The following MBTPS1 variants were observed in gnomAD, a reference collection of about 807,000 sequenced individuals.
MBTPS1 encodes membrane-bound transcription factor site-1 protease.
A neutral mutation model predicts 127.8 loss-of-function variants in MBTPS1; 94 were observed. The observed-to-expected ratio is 0.74, with a 90% CI of 0.62 to 0.87. The LOEUF (loss-of-function observed/expected upper bound fraction) is 0.87. Ranked by LOEUF, MBTPS1 falls within the 40% of genes least tolerant of loss-of-function variation. The pLI is 0.00. For synonymous variants in MBTPS1, 632 were observed against 509.4 expected, an observed-to-expected ratio of 1.24 and a Z score of -3.24; for missense variants, 1,636 against 1,353.2, an observed-to-expected ratio of 1.21 and a Z score of -3.28.
intron 6 of MBTPS1, among the ~76,000 whole-genome samples, chr16:84,092,804 G>A (rs2086127488): frequency 1.3e-5 from 2 of 152,172 alleles, no homozygotes; most frequent in South Asian, 4.1e-4. Context: ...ACAGCTCAAG[G>A]TGGTAGGAAC....
At chr16:84,064,685 G>C (rs1317937885) in intron 18 of MBTPS1, among the ~76,000 whole-genome samples, 5 of 152,202 alleles carry the variant, frequency 3.3e-5, no homozygotes, top group Non-Finnish European at 7.4e-5. Flanking sequence ...TACTGTCTAT[G>C]AGAAATGCTT....
intron 1 of MBTPS1, among the ~76,000 whole-genome samples, chr16:84,114,981 T>A (rs930089950): frequency 3.9e-5 from 6 of 151,910 alleles, no homozygotes; most frequent in African/African-American, 1.5e-4. Flanking sequence ...CAGGCTGGAA[T>A]GCAGCGGCGT....
At chr16:84,080,998 G>A (rs537949796) in intron 11 of MBTPS1, among the ~76,000 whole-genome samples, 2 of 152,342 alleles carry the variant, frequency 1.3e-5, no homozygotes, top group East Asian at 3.9e-4. Flanking sequence ...AAACCAAGAA[G>A]ACAGGACAAT....
intron 7 of MBTPS1, 25 bp from the exon 8 acceptor site, chr16:84,090,967 G>C (rs544735671): frequency 3.6e-6 from 5 of 1,388,272 alleles, no homozygotes; most frequent in East Asian, 2.4e-5. Context: ...TTTATTTAAT[G>C]AAAGTATCCC....
chr16:84,094,894 G>A (rs771714655), intron 4 of MBTPS1, among the ~76,000 whole-genome samples: 10 of 152,166 alleles, frequency 6.6e-5, no homozygotes, highest in South Asian at 2.1e-4. Context: ...GGGTCCCTAA[G>A]TCAAGGATAT....
At chr16:84,089,607 TTCAGTCTC>T (rs2086075806) in intron 8 of MBTPS1, among the ~76,000 whole-genome samples, 1 of 152,202 alleles carries the variant, frequency 6.6e-6, no homozygotes, top group Non-Finnish European at 1.5e-5. Flanking sequence ...GCTGTCTGAT[TTCAGTCTC>T]ATAGGTACTC....
At chr16:84,087,984 C>T (rs1394004670) in intron 8 of MBTPS1, among the ~76,000 whole-genome samples, 1 of 152,104 alleles carries the variant, frequency 6.6e-6, no homozygotes, top group Non-Finnish European at 1.5e-5. Context: ...GGTGTTCTAC[C>T]CTCCTCATAG....
chr16:84,085,592 A>G (rs1335408712), intron 9 of MBTPS1, among the ~76,000 whole-genome samples: 1 of 136,262 alleles, frequency 7.3e-6, no homozygotes, highest in Non-Finnish European at 1.6e-5. Context: ...AAAAAAAAAG[A>G]GAAAAAAACA....
chr16:84,066,368 T>A (rs967819446), intron 17 of MBTPS1, 121 bp downstream of exon 17: 2 of 1,080,282 alleles, frequency 1.9e-6, no homozygotes, highest in Non-Finnish European at 2.6e-6. Context: ...TGGTGAGTTC[T>A]TTCCACAGAC....
intron 21 of MBTPS1, among the ~76,000 whole-genome samples, chr16:84,058,655 G>A (rs1422147386): frequency 5.9e-5 from 9 of 152,204 alleles, no homozygotes; most frequent in African/African-American, 2.2e-4. Context: ...CAGCCATGCC[G>A]AGCTGGTCCT....
At chr16:84,084,887 A>G (rs932672635) in intron 10 of MBTPS1, 96 bp downstream of exon 10, 11 of 1,389,080 alleles carry the variant, frequency 7.9e-6, no homozygotes, top group Non-Finnish European at 1.1e-5. Flanking sequence ...CTCAAACCCA[A>G]GACAGGGCAG....
At chr16:84,092,888 TAC>T (rs2086128866) in intron 6 of MBTPS1, among the ~76,000 whole-genome samples, 1 of 152,108 alleles carries the variant, frequency 6.6e-6, no homozygotes, top group African/African-American at 2.4e-5. Context: ...CGACCCAGGG[TAC>T]AGAGGCCTGG....
chr16:84,112,434 C>A (rs1042685532), intron 1 of MBTPS1, among the ~76,000 whole-genome samples: 1 of 152,018 alleles, frequency 6.6e-6, no homozygotes, highest in Non-Finnish European at 1.5e-5. Context: ...CCGAGGCAGG[C>A]GGATCATGAG....
intron 4 of MBTPS1, among the ~76,000 whole-genome samples, chr16:84,094,669 A>C (rs1287667432): frequency 6.6e-6 from 1 of 152,262 alleles, no homozygotes; most frequent in Non-Finnish European, 1.5e-5. Context: ...ACTTTTAAAA[A>C]ATGCACACAC....
At chr16:84,108,766 A>G (rs1238116762) in intron 1 of MBTPS1, among the ~76,000 whole-genome samples, 1 of 152,194 alleles carries the variant, frequency 6.6e-6, no homozygotes, top group Non-Finnish European at 1.5e-5. Flanking sequence ...GCAAGTGAAG[A>G]AGGCACCAGG....
intron 10 of MBTPS1, among the ~76,000 whole-genome samples, chr16:84,082,914 G>A (rs558442299): frequency 3.9e-5 from 6 of 152,294 alleles, no homozygotes; most frequent in South Asian, 2.1e-4. Context: ...ACTGCTGCTC[G>A]GCTTCCATTA....
chr16:84,062,907 G>A (rs1015863049), intron 19 of MBTPS1, among the ~76,000 whole-genome samples: 7 of 152,200 alleles, frequency 4.6e-5, no homozygotes. Flanking sequence ...AAAAGAGTGA[G>A]TCAGACCAGA....
At chr16:84,069,772 G>A (rs2085742934) in intron 14 of MBTPS1, 94 bp downstream of exon 14, 6 of 1,205,894 alleles carry the variant, frequency 5.0e-6, no homozygotes, top group Non-Finnish European at 7.1e-6. Flanking sequence ...TCCACGAGAA[G>A]CTGAGCAACA....
intron 1 of MBTPS1, among the ~76,000 whole-genome samples, chr16:84,114,700 G>A (rs2086445185): frequency 1.3e-5 from 2 of 151,440 alleles, no homozygotes; most frequent in African/African-American, 4.8e-5. Context: ...TGTGGTGGCG[G>A]GCACCTGCAG....
Sources: gnomAD v4.1 joint callset for allele counts (sites outside exome capture counted in the v4.1 genomes callset) on GRCh38, gnomAD v4.1.1 for gene constraint, MANE v1.5 for transcripts, NCBI Gene and HGNC (gene_info 2026-07-23, HGNC 2026-07-21) for gene names.